The following PCDHGA8 variants were observed in gnomAD, a reference collection of about 807,000 sequenced individuals.
PCDHGA8 encodes protocadherin gamma-A8.
A neutral mutation model predicts 59.2 loss-of-function variants in PCDHGA8; 45 were observed. That is an observed-to-expected ratio of 0.76 (90% CI 0.60 to 0.98). PCDHGA8 has a LOEUF of 0.98. Ranked by LOEUF, PCDHGA8 falls within the 50% of genes least tolerant of loss-of-function variation. The probability of loss-of-function intolerance (pLI) is 0.00; values close to 1 mark genes in which losing one functional copy is unlikely to be tolerated. For synonymous variants in PCDHGA8, 531 were observed against 519.0 expected, an observed-to-expected ratio of 1.02 and a Z score of -0.32; for missense variants, 1,257 against 1,196.2, an observed-to-expected ratio of 1.05 and a Z score of -0.75.
chr5:141,447,433 C>G (rs756021616), intron 1 of PCDHGA8, among the ~76,000 whole-genome samples: 1 of 152,118 alleles, frequency 6.6e-6, no homozygotes. Context: ...CCACCGCACC[C>G]GGAGGAAATT....
chr5:141,394,524 G>T lies in PCDHGA8; in HGVS notation c.1711G>T (p.Gly571Cys), dbSNP rs977174958. 13 of 1,614,214 alleles carry T rather than the reference G, an allele frequency of 8.1e-6. No homozygotes were observed. ...CCTGTACCCCGCCCTCCCCACAGAC[G>T]GTTCCACTGGCGTGGAGCTGGCGCC... ...EILYPALPTD[G>C]STGVELAPRS... The change falls in exon 1 of 4, where the codon GGT (glycine) becomes TGT (cysteine). Residue 571 changes from glycine (G) to cysteine (C), a missense_variant. Gly to Cys is a radical substitution (Grantham distance 159). Coordinates refer to ENST00000398604, the MANE Select transcript of PCDHGA8 (RefSeq NM_032088.2).
chr5:141,466,203 C>G (rs1291051063), intron 1 of PCDHGA8, among the ~76,000 whole-genome samples: 1 of 151,914 alleles, frequency 6.6e-6, no homozygotes, highest in Non-Finnish European at 1.5e-5. Context: ...CACAGCCTTG[C>G]TCTGTTACCC....
chr5:141,428,201 CT>C (rs1332694675), intron 1 of PCDHGA8: 1 of 1,349,696 alleles, frequency 7.4e-7, no homozygotes, highest in South Asian at 1.2e-5. Context: ...CTCTGCGCCG[CT>C]ACGCTTCACC....
chr5:141,491,208 C>G lies in PCDHGA8; in HGVS notation c.2425-3599C>G. 6.2e-7 allele frequency: 1 copy of G among 1,614,204 alleles called. No individual in the cohort carries two copies. Among genetic ancestry groups the G allele is most frequent in the Non-Finnish European group, 8.5e-7 (1 of 1,180,026 alleles). ...TGAGGGACAATGGTGACCCTTCACTCTCCTCCACAGCCACAGTGCTGCTGG... is the reference window on the plus strand; with the variant it reads ...TGAGGGACAATGGTGACCCTTCACTGTCCTCCACAGCCACAGTGCTGCTGG... On this transcript the variant is annotated intron_variant, in intron 1 of 3. Coordinates refer to ENST00000398604, the MANE Select transcript of PCDHGA8 (RefSeq NM_032088.2). This position sits in a 1 kb window ranked among gnomAD's most constrained non-coding sequence, Gnocchi z 6.9.
At chr5:141,401,728 T>G (rs1476616709) in intron 1 of PCDHGA8, among the ~76,000 whole-genome samples, 2 of 152,174 alleles carry the variant, frequency 1.3e-5, no homozygotes, top group Non-Finnish European at 2.9e-5. Context: ...AAACTACTAG[T>G]CTTGTGTACA....
chr5:141,403,202 T>A, intron 1 of PCDHGA8: 4 of 1,613,984 alleles, frequency 2.5e-6, no homozygotes, highest in Non-Finnish European at 3.4e-6. Context: ...CAGCGGCACC[T>A]TGGTCACCGC....
chr5:141,423,177 C>G (rs748689237), intron 1 of PCDHGA8: 7 of 1,613,430 alleles, frequency 4.3e-6, no homozygotes, highest in Non-Finnish European at 5.1e-6. Context: ...TCCAGGACCA[C>G]GGCCAGCCCC....
rs1227487225 is a variant in PCDHGA8, at chr5:141,491,275, G to C, written c.2425-3532G>C. The C allele has an allele frequency of 2.5e-6, 4 of 1,614,082 alleles. 1 individual carries two copies. In the South Asian group the frequency reaches 4.4e-5, roughly 18 times the overall value. On this transcript the variant is annotated intron_variant, in intron 1 of 3. Transcript: ENST00000398604. This position sits in a 1 kb window ranked among gnomAD's most constrained non-coding sequence, Gnocchi z 6.9. Reference sequence around the variant, plus strand: ...CCCTGAGGAAATGCCCAAATCCAGTGACTTCCTCATACACCCTCCTGAGCG... The same window carrying C: ...CCCTGAGGAAATGCCCAAATCCAGTCACTTCCTCATACACCCTCCTGAGCG...
intron 1 of PCDHGA8, chr5:141,414,399 GGTGATAC>G (rs1297009673): frequency 6.2e-7 from 1 of 1,613,846 alleles, no homozygotes; most frequent in South Asian, 1.1e-5. Flanking sequence ...ATTACAGATT[GGTGATAC>G]ACAGAGCCCT....
intron 1 of PCDHGA8, among the ~76,000 whole-genome samples, chr5:141,449,520 C>T (rs1384869748): frequency 1.4e-5 from 2 of 144,104 alleles, no homozygotes; most frequent in Non-Finnish European, 1.5e-5. Context: ...ACCTGGGAGG[C>T]GGAGGTTGCA....
At position 141,394,033 on chromosome 5, in the gene PCDHGA8, G is replaced by C. The variant is rs1242755844; in HGVS notation, c.1220G>C (p.Arg407Thr). The C allele has an allele frequency of 1.2e-6, 2 of 1,613,422 alleles. No individual in the cohort carries two copies. Among genetic ancestry groups the C allele is most frequent in the Non-Finnish European group, 1.7e-6 (2 of 1,179,724 alleles). ...GGTAATTATTATAGATTAGTGACAA[G>C]GAAATATTTGGACCGAGAAAATGTC... ...SIGNYYRLVT[R>T]KYLDRENVSI... The change falls in exon 1 of 4, where the codon AGG (arginine) becomes ACG (threonine). Residue 407 changes from arginine to threonine, a missense_variant. Physicochemically the swap from Arg to Thr is moderately conservative, Grantham distance 71. Transcript: ENST00000398604.
chr5:141,413,180 C>CCGCTCAAAGGAAT (rs760676891), intron 1 of PCDHGA8: 75 of 1,602,494 alleles, frequency 4.7e-5, no homozygotes, highest in Non-Finnish European at 6.1e-5. Flanking sequence ...ACTACAATGG[C>CCGCTCAAAGGAAT]CGCTCAAAGG....
chr5:141,432,120 A>G lies in PCDHGA8; in HGVS notation c.2424+36883A>G, dbSNP rs764363553. 12 of 1,613,978 alleles carry G rather than the reference A, an allele frequency of 7.4e-6. No homozygotes were observed. The highest frequency in any genetic ancestry group is 5.3e-5 in the African/African-American group (4 of 74,894). ...AACGACAACCCGCCGGTCTTCCCTCAGGCCTCCTATTCCGCTTATATCCCA... is the reference window on the plus strand; with the variant it reads ...AACGACAACCCGCCGGTCTTCCCTCGGGCCTCCTATTCCGCTTATATCCCA... On this transcript the variant is annotated intron_variant, in intron 1 of 3. Transcript: ENST00000398604. The surrounding 1 kb of genome is among the most constrained non-coding windows in gnomAD (Gnocchi z 6.0).
chr5:141,455,859 TATTA>T (rs2098833777), intron 1 of PCDHGA8, among the ~76,000 whole-genome samples: 1 of 143,846 alleles, frequency 7.0e-6, no homozygotes, highest in African/African-American at 2.5e-5. Flanking sequence ...TAATTTCTTT[TATTA>T]TTTATTTATT....
chr5:141,489,290 G>A lies in PCDHGA8; in HGVS notation c.2425-5517G>A. 6.3e-7 allele frequency: 1 copy of A among 1,577,514 alleles called. No individual in the cohort carries two copies. The highest frequency in any genetic ancestry group is 8.6e-7 in the Non-Finnish European group (1 of 1,162,002). ...CTCGCTGGGAAATGGCAAGTGCTGT[G>A]CATGTTGTCCTTGTGCTGCTGGGGC... On this transcript the variant is annotated intron_variant, in intron 1 of 3. Transcript: ENST00000398604. This position sits in a 1 kb window ranked among gnomAD's most constrained non-coding sequence, Gnocchi z 4.5.
chr5:141,419,207 CCGGTTTTCGGACAGT>C, intron 1 of PCDHGA8: 5 of 1,613,998 alleles, frequency 3.1e-6, no homozygotes, highest in Non-Finnish European at 4.2e-6. Flanking sequence ...TGACAACGCG[CCGGTTTTCGGACAGT>C]CAGCCTACCT....
Position 141,410,405 on chromosome 5 carries a change from T to C in PCDHGA8, c.2424+15168T>C, listed in dbSNP as rs777544150. ...CTTCCATCCTGGTCTCTGTGTCAAGTCTGGACCTGTAGTTCCCCCCAACTA... is the reference window on the plus strand; with the variant it reads ...CTTCCATCCTGGTCTCTGTGTCAAGCCTGGACCTGTAGTTCCCCCCAACTA... On this transcript the variant is annotated intron_variant, in intron 1 of 3. Transcript: ENST00000398604. 2.2e-5 allele frequency: 35 copies of C among 1,613,948 alleles called. 1 individual carries two copies. In the East Asian group the frequency reaches 7.8e-4, roughly 36 times the overall value.
At chr5:141,427,923 C>T (rs2097089935) in intron 1 of PCDHGA8, 3 of 1,580,656 alleles carry the variant, frequency 1.9e-6, no homozygotes, top group African/African-American at 1.3e-5. Context: ...CATGAGCCGG[C>T]GCATGTTGGT....
In PCDHGA8 at chr5:141,409,272, T is replaced by G. The variant is rs2095250021; in HGVS notation, c.2424+14035T>G. ...ATCACTTCTCTCTCTGATCAGATTT[T>G]GGAGAATTCACCTCCAGGAATGGTT... On this transcript the variant is annotated intron_variant, in intron 1 of 3. Coordinates refer to ENST00000398604, the MANE Select transcript of PCDHGA8 (RefSeq NM_032088.2). 5 of 1,614,042 alleles carry G rather than the reference T, an allele frequency of 3.1e-6. No individual in the cohort carries two copies. In the South Asian group the frequency reaches 4.4e-5, roughly 14 times the overall value.
Sources: allele counts gnomAD v4.1 joint callset (sites outside exome capture counted in the v4.1 genomes callset), GRCh38; gene constraint gnomAD v4.1.1; non-coding constraint Gnocchi (gnomAD v3.1); transcripts MANE v1.5; gene names NCBI Gene and HGNC (gene_info 2026-07-23, HGNC 2026-07-21).